Variants in NEO1 observed in about 807,000 individuals in gnomAD.
NEO1 encodes the protein neogenin 1.
Under a neutral mutation model 159.7 loss-of-function variants are expected in NEO1, and 63 were observed. The ratio of observed to expected loss-of-function variants is 0.39; its 90% CI spans 0.32 to 0.49. The LOEUF (loss-of-function observed/expected upper bound fraction) is 0.49. Ranked by LOEUF, NEO1 falls within the 20% of genes least tolerant of loss-of-function variation. The pLI is 0.85. For missense variants in NEO1, 1,615 were observed against 1,831.0 expected, an observed-to-expected ratio of 0.88 and a Z score of 2.15; for synonymous variants, 633 against 662.0, an observed-to-expected ratio of 0.96 and a Z score of 0.67.
At chr15:73,156,564 A>T (rs552126332) in intron 5 of NEO1, among the ~76,000 whole-genome samples, 1 of 152,360 alleles carries the variant, frequency 6.6e-6, no homozygotes, top group African/African-American at 2.4e-5. Context: ...AGCTCTTCTC[A>T]TTCACAAGTG....
intron 1 of NEO1, among the ~76,000 whole-genome samples, chr15:73,058,310 C>T (rs539862026): frequency 1.3e-5 from 2 of 152,274 alleles, no homozygotes; most frequent in African/African-American, 4.8e-5. Flanking sequence ...TCTTCACATT[C>T]CACAGATGAG....
At chr15:73,220,308 G>A (rs1470665528) in intron 7 of NEO1, among the ~76,000 whole-genome samples, 1 of 152,220 alleles carries the variant, frequency 6.6e-6, no homozygotes, top group Non-Finnish European at 1.5e-5. Context: ...CTGTTAGTCT[G>A]ATGGGCTTCC....
intron 9 of NEO1, among the ~76,000 whole-genome samples, chr15:73,248,545 A>G (rs1001198974): frequency 6.6e-6 from 1 of 152,222 alleles, no homozygotes; most frequent in Non-Finnish European, 1.5e-5. Flanking sequence ...CTTGACTCCA[A>G]GAATTCTTCA....
At chr15:73,278,239 A>G in intron 22 of NEO1, 40 bp downstream of exon 22, 2 of 1,578,904 alleles carry the variant, frequency 1.3e-6, no homozygotes, top group South Asian at 2.2e-5. Flanking sequence ...TACTATGGAC[A>G]TGAAGCACTT....
chr15:73,109,675 A>G (rs1349792287), intron 1 of NEO1, among the ~76,000 whole-genome samples: 1 of 152,166 alleles, frequency 6.6e-6, no homozygotes, highest in Non-Finnish European at 1.5e-5. Flanking sequence ...ATTTCCCTAT[A>G]GGACATTATG....
intron 1 of NEO1, among the ~76,000 whole-genome samples, chr15:73,064,353 A>G (rs1016272640): frequency 6.6e-6 from 1 of 152,274 alleles, no homozygotes; most frequent in Non-Finnish European, 1.5e-5. Flanking sequence ...GGCTTGTTCT[A>G]TTTAAATTAG....
intron 7 of NEO1, among the ~76,000 whole-genome samples, chr15:73,191,381 A>G (rs2036228434): frequency 6.6e-6 from 1 of 151,296 alleles, no homozygotes; most frequent in Non-Finnish European, 1.5e-5. Context: ...TGAGAATTCA[A>G]TAGTCAGCAT....
At chr15:73,208,304 C>T (rs373323734) in intron 7 of NEO1, among the ~76,000 whole-genome samples, 3 of 152,270 alleles carry the variant, frequency 2.0e-5, no homozygotes, top group East Asian at 3.9e-4. Context: ...CATGGAGTCC[C>T]TGAGATTTAT....
At chr15:73,138,458 A>G (rs1246998787) in intron 5 of NEO1, among the ~76,000 whole-genome samples, 1 of 152,226 alleles carries the variant, frequency 6.6e-6, no homozygotes. Context: ...AGAGCCTTTT[A>G]AAACAAAGGG....
intron 1 of NEO1, among the ~76,000 whole-genome samples, chr15:73,070,574 A>G (rs894984790): frequency 6.6e-6 from 1 of 152,246 alleles, no homozygotes; most frequent in Non-Finnish European, 1.5e-5. Flanking sequence ...TAGTGTATAC[A>G]GTAGTCCCCC....
intron 27 of NEO1, among the ~76,000 whole-genome samples, chr15:73,299,370 A>T (rs1467733547): frequency 1.3e-5 from 2 of 152,084 alleles, no homozygotes; most frequent in Non-Finnish European, 2.9e-5. Flanking sequence ...TATTTTTATG[A>T]AAAACAACTA....
In NEO1 at chr15:73,273,835, A is replaced by G. The variant is rs199670066; in HGVS notation, c.2990A>G (p.Asp997Gly). The change falls in exon 20 of 29, where the codon GAT becomes GGT. Residue 997 changes from aspartate to glycine, a missense_variant. Physicochemically the swap from Asp to Gly is moderately conservative, Grantham distance 94. Around this residue, in one of 3 missense-constraint regions of NEO1, gnomAD observed 126 missense variants for 216.7 expected, o/e 0.58. Coordinates refer to ENST00000261908, the MANE Select transcript of NEO1 (RefSeq NM_002499.4). ...GGTTACATCATATATTACAGTACAGATGTGAATGCAGAGATACATGACTGG... is the reference window on the plus strand; with the variant it reads ...GGTTACATCATATATTACAGTACAGGTGTGAATGCAGAGATACATGACTGG... ...ITGYIIYYSTDVNAEIHDWVI... is the reference protein window; with the variant it reads ...ITGYIIYYSTGVNAEIHDWVI... 9.3e-6 allele frequency: 15 copies of G among 1,613,956 alleles called. No individual in the cohort carries two copies. Among genetic ancestry groups the G allele is most frequent in the Non-Finnish European group, 1.3e-5 (15 of 1,179,952 alleles).
intron 7 of NEO1, among the ~76,000 whole-genome samples, chr15:73,230,088 T>G (rs769992838): frequency 6.6e-6 from 1 of 152,204 alleles, no homozygotes; most frequent in African/African-American, 2.4e-5. Flanking sequence ...TTTCTCCTTC[T>G]CTATTTCCTG....
chr15:73,297,744 C>T (rs2042433050), intron 26 of NEO1, among the ~76,000 whole-genome samples: 1 of 152,244 alleles, frequency 6.6e-6, no homozygotes, highest in African/African-American at 2.4e-5. Flanking sequence ...ATCAAAAATG[C>T]CCTTCATTTG....
At chr15:73,184,303 G>A (rs537373518) in intron 7 of NEO1, among the ~76,000 whole-genome samples, 130 of 152,126 alleles carry the variant, frequency 8.5e-4, no homozygotes, top group African/African-American at 3.1e-3. Flanking sequence ...TTACAGGTGC[G>A]TGCCACCATG....
intron 7 of NEO1, among the ~76,000 whole-genome samples, chr15:73,197,113 A>C (rs978381028): frequency 1.3e-5 from 2 of 152,176 alleles, no homozygotes; most frequent in Non-Finnish European, 2.9e-5. Flanking sequence ...TAATCCCAGC[A>C]CTTTGGGAGG....
chr15:73,236,589 G>A (rs1261408606), intron 8 of NEO1, 83 bp downstream of exon 8: 5 of 1,247,050 alleles, frequency 4.0e-6, no homozygotes, highest in Admixed American at 3.8e-5. Flanking sequence ...CTTGGTATCT[G>A]TACCAATTTT....
chr15:73,094,632 T>G lies in NEO1; in HGVS notation c.131-21908T>G, dbSNP rs1402229451. Reference sequence around the variant, plus strand: ...GTTTTAAGTTTCTTTTAAGTGATAATTATCCCCTCTTCACCTCCCTGTTTT... The same window carrying G: ...GTTTTAAGTTTCTTTTAAGTGATAAGTATCCCCTCTTCACCTCCCTGTTTT... On this transcript the variant is annotated intron_variant, in intron 1 of 28. Transcript: ENST00000261908. Among the ~76,000 whole-genome samples the G allele has an allele frequency of 3.9e-5, 6 of 152,346 alleles. No individual in the cohort carries two copies. The South Asian group carries it at 1.2e-3, about 32-fold the overall frequency.
intron 1 of NEO1, among the ~76,000 whole-genome samples, chr15:73,106,300 C>T (rs1368025413): frequency 2.0e-5 from 3 of 152,172 alleles, no homozygotes; most frequent in East Asian, 3.9e-4. Context: ...TAGGCCAGTG[C>T]AGTGCTGTAC....
Sources: allele counts gnomAD v4.1 joint callset (sites outside exome capture counted in the v4.1 genomes callset), GRCh38; gene constraint gnomAD v4.1.1; regional missense constraint gnomAD v4.1.1; transcripts MANE v1.5; gene names NCBI Gene and HGNC (gene_info 2026-07-23, HGNC 2026-07-21).